Variants in ECM2 observed in about 807,000 individuals in gnomAD.
The protein encoded by ECM2 is extracellular matrix protein 2, also known as extracellular matrix protein 2, female organ and adipocyte specific.
ECM2 carries 57 observed loss-of-function variants against 67.5 expected under a neutral mutation model. That is an observed-to-expected ratio of 0.84 (90% CI 0.68 to 1.05). The LOEUF (loss-of-function observed/expected upper bound fraction) is 1.05. Ranked by LOEUF, ECM2 falls within the 50% of genes least tolerant of loss-of-function variation. The probability of loss-of-function intolerance (pLI) is 0.00; values close to 1 mark genes in which losing one functional copy is unlikely to be tolerated. For synonymous variants in ECM2, 258 were observed against 294.5 expected, an observed-to-expected ratio of 0.88 and a Z score of 1.27; for missense variants, 741 against 822.8, an observed-to-expected ratio of 0.90 and a Z score of 1.22.
At chr9:92,558,565 T>A in the ECM2 span, among the ~76,000 whole-genome samples, 1 of 152,188 alleles carries the variant, frequency 6.6e-6, no homozygotes, top group Non-Finnish European at 1.5e-5. Context: ...ATGGACACCA[T>A]GAGGGTCCTT....
intron 3 of ECM2, 114 bp downstream of exon 3, chr9:92,517,573 A>T: frequency 7.2e-7 from 1 of 1,389,638 alleles, no homozygotes; most frequent in Non-Finnish European, 9.9e-7. Context: ...CCAATATTTT[A>T]AGTACTCAGA....
At chr9:92,553,635 T>A in the ECM2 span, among the ~76,000 whole-genome samples, 2 of 152,292 alleles carry the variant, frequency 1.3e-5, no homozygotes, top group East Asian at 3.9e-4. Flanking sequence ...CTTGGTTAGG[T>A]ATATTCCTAA....
chr9:92,507,245 T>G (rs1196628413), intron 6 of ECM2, among the ~76,000 whole-genome samples: 2 of 152,160 alleles, frequency 1.3e-5, no homozygotes, highest in African/African-American at 2.4e-5. Context: ...GCCAGTAAAT[T>G]GGGATAAGTG....
At chr9:92,547,645 T>C in the ECM2 span, among the ~76,000 whole-genome samples, 14 of 152,188 alleles carry the variant, frequency 9.2e-5, no homozygotes, top group African/African-American at 3.1e-4. Flanking sequence ...AGTGGTTGCC[T>C]GAAATGAAGG....
At chr9:92,526,490 A>G (rs1009836197) in intron 1 of ECM2, among the ~76,000 whole-genome samples, 1 of 152,124 alleles carries the variant, frequency 6.6e-6, no homozygotes, top group African/African-American at 2.4e-5. Context: ...GAAAAACTTC[A>G]TATAAACAAC....
intron 4 of ECM2, among the ~76,000 whole-genome samples, chr9:92,513,475 TC>T (rs1217458904): frequency 2.6e-5 from 4 of 152,146 alleles, no homozygotes; most frequent in Non-Finnish European, 5.9e-5. Flanking sequence ...AACACTTAGG[TC>T]CACACAAACA....
At chr9:92,546,648 G>T in the ECM2 span, among the ~76,000 whole-genome samples, 3 of 152,160 alleles carry the variant, frequency 2.0e-5, no homozygotes, top group Non-Finnish European at 2.9e-5. Flanking sequence ...TGGACACGCT[G>T]CCTTTAAGAA....
rs199966743 is a variant in ECM2 at position 92,532,033 on chromosome 9, TA to T, written c.-28+3899del. ...ATTTAATGTTTTTTTTTTTTTATTT[TA>T]TTTTTTTTTTGAGATGAGGTCTCAC... On this transcript the variant is annotated intron_variant, in intron 1 of 9. Coordinates refer to ENST00000344604, the MANE Select transcript of ECM2 (RefSeq NM_001393.4). Among the ~76,000 whole-genome samples the T allele has an allele frequency of 1.2e-3, 162 of 131,262 alleles. 30 individuals carry two copies. Among genetic ancestry groups the T allele is most frequent in the African/African-American group, 2.3e-3 (73 of 31,084 alleles). 86.1% of individuals were successfully genotyped at this position (131,262 alleles called of 152,430 possible).
rs555450660 is a variant in ECM2 at position 92,522,562 on chromosome 9, A to C, written c.292+13T>G. On this transcript the variant is annotated intron_variant, in intron 2 of 9. Coordinates refer to ENST00000344604, the MANE Select transcript of ECM2 (RefSeq NM_001393.4). Reference sequence around the variant, plus strand: ...CTCCCTCTTTCTGTCTCTCTCTCATAGTGTTCTCTTACCTGGTAACACATT... The same window carrying C: ...CTCCCTCTTTCTGTCTCTCTCTCATCGTGTTCTCTTACCTGGTAACACATT... 1.9e-6 allele frequency: 3 copies of C among 1,591,704 alleles called. No homozygotes were observed. Among genetic ancestry groups the C allele is most frequent in the Non-Finnish European group, 1.7e-6 (2 of 1,167,294 alleles).
Position 92,522,809 on chromosome 9 carries a change from C to T in ECM2, c.58G>A (p.Gly20Arg), listed in dbSNP as rs373531348. 74 of 1,611,964 alleles carry T rather than the reference C, an allele frequency of 4.6e-5. No homozygotes were observed. The highest frequency in any genetic ancestry group is 6.1e-5 in the Non-Finnish European group (72 of 1,179,582). The change falls in exon 2 of 10, where the codon GGA becomes AGA. Residue 20 changes from glycine to arginine, a missense_variant. Coordinates refer to ENST00000344604, the MANE Select transcript of ECM2 (RefSeq NM_001393.4). ...FLLIIFQTDFGKNEEIPRKQR... is the reference protein window; with the variant it reads ...FLLIIFQTDFRKNEEIPRKQR... ...TTCCTAGGAATTTCTTCATTTTTTC[C>T]AAAGTCAGTTTGAAAAATGATAAGC...
At chr9:92,508,489 A>G (rs1847143894) in intron 6 of ECM2, among the ~76,000 whole-genome samples, 1 of 152,236 alleles carries the variant, frequency 6.6e-6, no homozygotes, top group African/African-American at 2.4e-5. Flanking sequence ...TGCATGTTTT[A>G]TAACATCTCA....
chr9:92,511,793 AT>A (rs1204559981), intron 5 of ECM2, among the ~76,000 whole-genome samples: 7 of 152,186 alleles, frequency 4.6e-5, no homozygotes, highest in African/African-American at 1.7e-4. Flanking sequence ...CACTGATGCT[AT>A]TGTTGGTGTC....
At chr9:92,532,005 T>C (rs1296661088) in intron 1 of ECM2, among the ~76,000 whole-genome samples, 1 of 147,538 alleles carries the variant, frequency 6.8e-6, no homozygotes, top group Non-Finnish European at 1.5e-5. Context: ...TTTTTCTTTT[T>C]TTATTTAATG....
In ECM2 at chr9:92,496,329, G is replaced by A; in HGVS notation, c.2086C>T (p.Gln696Ter). ...AAAACTTGGAATTACTTGATGTTTT[G>A]TGGTTTAAGAACGATACTTGAGTAT... The part of the protein sequence containing the change: ...RSYSSIVLKP[Q>*]NIK Residue 696 changes from glutamine (Q) to a stop codon, truncating the protein, a stop_gained, in exon 10 of 10, where the codon CAA (glutamine) becomes TAA (stop). Coordinates refer to ENST00000344604, the MANE Select transcript of ECM2 (RefSeq NM_001393.4). LOFTEE classifies it high-confidence loss of function. The A allele has an allele frequency of 1.3e-6, 2 of 1,581,124 alleles. No homozygotes were observed. Among genetic ancestry groups the A allele is most frequent in the African/African-American group, 1.4e-5 (1 of 72,976 alleles).
intron 7 of ECM2, among the ~76,000 whole-genome samples, chr9:92,504,830 C>A (rs373456685): frequency 6.6e-6 from 1 of 152,210 alleles, no homozygotes; most frequent in East Asian, 1.9e-4. Context: ...TGAGCCACTG[C>A]ACGGTCCACC....
chr9:92,537,517 G>A (rs549699151), upstream of ECM2, among the ~76,000 whole-genome samples: 7 of 152,068 alleles, frequency 4.6e-5, no homozygotes, highest in Non-Finnish European at 1.0e-4. Flanking sequence ...AAAATTAGCC[G>A]AGTATGGTAG....
chr9:92,531,379 A>C (rs1005634122), intron 1 of ECM2, among the ~76,000 whole-genome samples: 4 of 152,164 alleles, frequency 2.6e-5, no homozygotes, highest in African/African-American at 9.7e-5. Context: ...GATGAACTTC[A>C]ACTCCATTTA....
chr9:92,493,839 T>G, downstream of ECM2: 1 of 290,884 alleles, frequency 3.4e-6, no homozygotes. Flanking sequence ...GTCATTCTGA[T>G]TTTCATTTTT....
chr9:92,548,845 A>G, the ECM2 span, among the ~76,000 whole-genome samples: 2 of 152,154 alleles, frequency 1.3e-5, no homozygotes, highest in African/African-American at 4.8e-5. Flanking sequence ...TCAAAATCCT[A>G]GCAGTTCACT....
Sources: gnomAD v4.1 joint callset for allele counts (sites outside exome capture counted in the v4.1 genomes callset) on GRCh38, gnomAD v4.1.1 for gene constraint, MANE v1.5 for transcripts, NCBI Gene and HGNC (gene_info 2026-07-23, HGNC 2026-07-21) for gene names.